Variants in ST3GAL3 observed in about 807,000 individuals in gnomAD.
The protein encoded by ST3GAL3 is ST3 beta-galactoside alpha-2,3-sialyltransferase 3.
ST3GAL3 carries 21 observed loss-of-function variants against 50.1 expected under a neutral mutation model. The observed-to-expected ratio is 0.42, with a 90% CI of 0.30 to 0.60. ST3GAL3 has a LOEUF of 0.60. Among genes scored for constraint, ST3GAL3 ranks in the 20% least tolerant of loss-of-function variants. The probability of loss-of-function intolerance (pLI) is 0.19; values close to 1 mark genes in which losing one functional copy is unlikely to be tolerated. For synonymous variants in ST3GAL3, 183 were observed against 190.0 expected, an observed-to-expected ratio of 0.96 and a Z score of 0.30; for missense variants, 353 against 489.4, an observed-to-expected ratio of 0.72 and a Z score of 2.63.
chr1:43,882,346 A>G (rs1290233155), intron 5 of ST3GAL3, among the ~76,000 whole-genome samples: 1 of 152,148 alleles, frequency 6.6e-6, no homozygotes, highest in East Asian at 1.9e-4. Flanking sequence ...GAAAGGGAGG[A>G]GAAGAGGGGG....
chr1:43,756,895 C>T (rs1212709248), intron 2 of ST3GAL3, among the ~76,000 whole-genome samples: 1 of 152,006 alleles, frequency 6.6e-6, no homozygotes, highest in Non-Finnish European at 1.5e-5. Flanking sequence ...GTTACTAAAT[C>T]TCCCCAATGT....
chr1:43,919,621 G>C (rs1325073168), intron 9 of ST3GAL3: 1 of 152,646 alleles, frequency 6.6e-6, no homozygotes, highest in Non-Finnish European at 1.5e-5. Context: ...ATATACTTCA[G>C]GGTCTAGACA....
intron 5 of ST3GAL3, chr1:43,851,458 T>C: frequency 6.2e-7 from 1 of 1,608,478 alleles, no homozygotes. Context: ...TGACAGAGGG[T>C]CTCCAGCTCA....
chr1:43,847,356 C>G (rs796966262), intron 5 of ST3GAL3, among the ~76,000 whole-genome samples: 36 of 152,284 alleles, frequency 2.4e-4, no homozygotes, highest in African/African-American at 7.5e-4. Context: ...AGGAATTATT[C>G]ATTATTGCCA....
intron 9 of ST3GAL3, among the ~76,000 whole-genome samples, chr1:43,905,915 CT>C (rs1404823915): frequency 8.2e-6 from 1 of 122,018 alleles, no homozygotes; most frequent in South Asian, 3.4e-4. Context: ...TCCTGTTCCT[CT>C]TCCCACCACT....
intron 2 of ST3GAL3, among the ~76,000 whole-genome samples, chr1:43,751,081 G>A (rs1348924614): frequency 6.6e-6 from 1 of 152,046 alleles, no homozygotes; most frequent in East Asian, 1.9e-4. Flanking sequence ...TAAAATGCAG[G>A]AACATCTTAA....
chr1:43,710,167 C>T (rs1663923835), intron 1 of ST3GAL3, among the ~76,000 whole-genome samples: 1 of 152,106 alleles, frequency 6.6e-6, no homozygotes, highest in South Asian at 2.1e-4. Flanking sequence ...CTGCAACCTC[C>T]ACCACCTGGG....
At chr1:43,808,829 G>A (rs1004978776) in intron 3 of ST3GAL3, among the ~76,000 whole-genome samples, 3 of 152,176 alleles carry the variant, frequency 2.0e-5, no homozygotes, top group Admixed American at 1.3e-4. Context: ...CTGGAAGGGG[G>A]CAGCCAGGAT....
At chr1:43,838,374 C>T in intron 5 of ST3GAL3, 63 bp downstream of exon 5, 1 of 1,425,072 alleles carries the variant, frequency 7.0e-7, no homozygotes, top group Non-Finnish European at 9.9e-7. Context: ...GAGCCAGAAA[C>T]TCTGCCTCTC....
intron 1 of ST3GAL3, among the ~76,000 whole-genome samples, chr1:43,714,092 C>T (rs1245729943): frequency 2.6e-5 from 4 of 151,506 alleles, no homozygotes; most frequent in African/African-American, 4.9e-5. Context: ...GTTGAAACCC[C>T]GTCTCTATTA....
At chr1:43,913,576 T>G (rs3791112) in intron 9 of ST3GAL3, 91,192 of 152,056 alleles carry the variant, frequency 0.6, 31,729 homozygotes, top group Non-Finnish European at 0.78. Context: ...GGCTGAGGTT[T>G]TGTTGGTACT....
chr1:43,885,012 A>G (rs1193083582), intron 5 of ST3GAL3, among the ~76,000 whole-genome samples: 1 of 152,188 alleles, frequency 6.6e-6, no homozygotes, highest in African/African-American at 2.4e-5. Flanking sequence ...TTAATATTCC[A>G]AGCCTTAGAA....
chr1:43,786,234 ACT>A (rs996044918), intron 2 of ST3GAL3, among the ~76,000 whole-genome samples: 1 of 152,028 alleles, frequency 6.6e-6, no homozygotes, highest in Admixed American at 6.6e-5. Flanking sequence ...TATAAATCCG[ACT>A]CTGTTACTCC....
intron 5 of ST3GAL3, among the ~76,000 whole-genome samples, chr1:43,893,077 T>G (rs2076886715): frequency 6.6e-6 from 1 of 152,178 alleles, no homozygotes; most frequent in African/African-American, 2.4e-5. Context: ...GGGAGCAGGA[T>G]TCCAAGTTTT....
At chr1:43,844,836 A>C (rs894448331) in intron 5 of ST3GAL3, among the ~76,000 whole-genome samples, 2 of 152,130 alleles carry the variant, frequency 1.3e-5, no homozygotes, top group Non-Finnish European at 2.9e-5. Flanking sequence ...AAAAAAAAAA[A>C]AAAAGACTAG....
At chr1:43,796,425 A>G (rs769757075) in intron 3 of ST3GAL3, among the ~76,000 whole-genome samples, 5 of 152,244 alleles carry the variant, frequency 3.3e-5, no homozygotes, top group Non-Finnish European at 7.3e-5. Context: ...CTGTGCAGGT[A>G]TGCATCTGAT....
chr1:43,719,934 G>GAAAAAAAA (rs148364295), intron 1 of ST3GAL3, among the ~76,000 whole-genome samples: 5 of 41,730 alleles, frequency 1.2e-4, no homozygotes, highest in African/African-American at 2.1e-4. Flanking sequence ...CTCTGTCTCA[G>GAAAAAAAA]AAAAAAAAAA....
chr1:43,909,118 T>C (rs1407748875), intron 9 of ST3GAL3, among the ~76,000 whole-genome samples: 1 of 152,184 alleles, frequency 6.6e-6, no homozygotes, highest in African/African-American at 2.4e-5. Flanking sequence ...CCTCCAGCAG[T>C]GAGGCATAGT....
chr1:43,922,851 C>T (rs1376409128), intron 11 of ST3GAL3, among the ~76,000 whole-genome samples: 13 of 150,076 alleles, frequency 8.7e-5, no homozygotes, highest in Admixed American at 8.6e-4. Flanking sequence ...CCTGTAATCC[C>T]AGCACTTTGG....
Sources: allele counts gnomAD v4.1 joint callset (sites outside exome capture counted in the v4.1 genomes callset), GRCh38; gene constraint gnomAD v4.1.1; transcripts MANE v1.5; gene names NCBI Gene and HGNC (gene_info 2026-07-23, HGNC 2026-07-21).